The following BRINP1 variants were observed in gnomAD, a reference collection of about 807,000 sequenced individuals.
The protein encoded by BRINP1 is BMP/retinoic acid-inducible neural-specific protein 1.
Under a neutral mutation model 72.9 loss-of-function variants are expected in BRINP1, and 17 were observed. That is an observed-to-expected ratio of 0.23 (90% CI 0.16 to 0.35). The LOEUF (loss-of-function observed/expected upper bound fraction) is 0.35. BRINP1 is among the 10% of genes least tolerant of loss of function. BRINP1 has a pLI of 1.00. For synonymous variants in BRINP1, 418 were observed against 378.5 expected, an observed-to-expected ratio of 1.10 and a Z score of -1.21; for missense variants, 850 against 1,001.6, an observed-to-expected ratio of 0.85 and a Z score of 2.04.
chr9:119,190,588 A>C (rs189397674), intron 7 of BRINP1, among the ~76,000 whole-genome samples: 21 of 152,050 alleles, frequency 1.4e-4, no homozygotes, highest in Non-Finnish European at 1.6e-4. Flanking sequence ...GCAACCTATG[A>C]AGTTTGAATC....
intron 1 of BRINP1, among the ~76,000 whole-genome samples, chr9:119,334,195 G>A (rs944334143): frequency 1.3e-5 from 2 of 152,128 alleles, no homozygotes; most frequent in Admixed American, 6.5e-5. Context: ...TGCCCCAAAT[G>A]CTCATTATAG....
At chr9:119,211,991 GT>G (rs374043618) in intron 6 of BRINP1, among the ~76,000 whole-genome samples, 34 of 148,288 alleles carry the variant, frequency 2.3e-4, no homozygotes, top group East Asian at 1.6e-3. Flanking sequence ...AATTCCCTCT[GT>G]TTTTTTTTTG....
At chr9:119,302,193 C>T (rs1830945550) in intron 2 of BRINP1, among the ~76,000 whole-genome samples, 1 of 152,154 alleles carries the variant, frequency 6.6e-6, no homozygotes, top group African/African-American at 2.4e-5. Flanking sequence ...AACATTAGAA[C>T]ACAATACATT....
intron 2 of BRINP1, among the ~76,000 whole-genome samples, chr9:119,258,877 A>G (rs1489929103): frequency 6.6e-6 from 1 of 152,192 alleles, no homozygotes; most frequent in South Asian, 2.1e-4. Context: ...AGAGCAGTGA[A>G]GGCCACTTGG....
intron 2 of BRINP1, among the ~76,000 whole-genome samples, chr9:119,299,931 T>G (rs1002874577): frequency 3.3e-5 from 5 of 152,232 alleles, no homozygotes; most frequent in African/African-American, 1.2e-4. Flanking sequence ...GAGTTGTTTC[T>G]TAATGATCCT....
At chr9:119,286,880 A>G (rs1025529013) in intron 2 of BRINP1, among the ~76,000 whole-genome samples, 1 of 152,196 alleles carries the variant, frequency 6.6e-6, no homozygotes, top group Non-Finnish European at 1.5e-5. Flanking sequence ...GTTATTCAAT[A>G]AAAAATGATA....
rs56321841 is a variant in BRINP1 at position 119,319,746 on chromosome 9, G to A, written c.-50-6341C>T. ...CCAATTTAACAAATGAGCACCTTAG[G>A]ACTTGGAGACATTGAATAACTTTCT... On this transcript the variant is annotated intron_variant, in intron 1 of 7. Coordinates refer to ENST00000265922, the MANE Select transcript of BRINP1 (RefSeq NM_014618.3). 6.4e-3 allele frequency among the ~76,000 whole-genome samples: 974 copies of A among 152,240 alleles called. 1 individual carries two copies. Among genetic ancestry groups the A allele is most frequent in the Middle Eastern group, 0.01 (3 of 294 alleles).
chr9:119,348,784 TC>T (rs1412066284), intron 1 of BRINP1, among the ~76,000 whole-genome samples: 1 of 152,208 alleles, frequency 6.6e-6, no homozygotes, highest in Non-Finnish European at 1.5e-5. Flanking sequence ...TTTGCCTTAT[TC>T]ATTTCGGTAT....
chr9:119,187,908 G>A (rs1168711446), intron 7 of BRINP1, among the ~76,000 whole-genome samples: 1 of 152,078 alleles, frequency 6.6e-6, no homozygotes, highest in East Asian at 1.9e-4. Context: ...ATAATTCAAT[G>A]AATGAATTAA....
chr9:119,355,707 C>T (rs560923419), intron 1 of BRINP1, among the ~76,000 whole-genome samples: 32 of 144,728 alleles, frequency 2.2e-4, no homozygotes, highest in East Asian at 4.0e-4. Flanking sequence ...CCAGCCTGGG[C>T]GACAGAGCAA....
chr9:119,252,822 A>AC (rs1830406989), intron 2 of BRINP1, among the ~76,000 whole-genome samples: 1 of 152,016 alleles, frequency 6.6e-6, no homozygotes, highest in African/African-American at 2.4e-5. Flanking sequence ...GAATGATGCC[A>AC]CCCCCACCAC....
chr9:119,318,854 T>G (rs1449025577), intron 1 of BRINP1, among the ~76,000 whole-genome samples: 5 of 149,846 alleles, frequency 3.3e-5, no homozygotes, highest in African/African-American at 9.8e-5. Flanking sequence ...GGTGTGTGTG[T>G]GTGTGTGTGT....
chr9:119,276,480 G>A (rs950620460), intron 2 of BRINP1, among the ~76,000 whole-genome samples: 2 of 152,048 alleles, frequency 1.3e-5, no homozygotes, highest in Non-Finnish European at 2.9e-5. Flanking sequence ...TCTCCTTATA[G>A]AACCTTTAAC....
intron 1 of BRINP1, among the ~76,000 whole-genome samples, chr9:119,361,805 T>A (rs1374507714): frequency 3.5e-5 from 5 of 143,590 alleles, no homozygotes; most frequent in African/African-American, 1.3e-4. Flanking sequence ...GCATTTTTTT[T>A]TTTTTTTTTT....
At chr9:119,362,057 C>G (rs1257946326) in intron 1 of BRINP1, among the ~76,000 whole-genome samples, 1 of 149,758 alleles carries the variant, frequency 6.7e-6, no homozygotes, top group Non-Finnish European at 1.5e-5. Context: ...ACCCCCCCAC[C>G]CCCAACCCCT....
intron 2 of BRINP1, among the ~76,000 whole-genome samples, chr9:119,257,330 A>G (rs2118930133): frequency 6.6e-6 from 1 of 152,348 alleles, no homozygotes; most frequent in Non-Finnish European, 1.5e-5. Flanking sequence ...TAATGCATAT[A>G]ATGAAGCACT....
chr9:119,326,764 G>A (rs1423626750), intron 1 of BRINP1, among the ~76,000 whole-genome samples: 1 of 152,188 alleles, frequency 6.6e-6, no homozygotes, highest in African/African-American at 2.4e-5. Flanking sequence ...CAGAATGCGA[G>A]ATGGACATAG....
intron 1 of BRINP1, among the ~76,000 whole-genome samples, chr9:119,337,926 C>T (rs576030272): frequency 2.0e-5 from 3 of 152,226 alleles, no homozygotes; most frequent in Non-Finnish European, 2.9e-5. Context: ...GAGTGTTTCA[C>T]TGGGAACCTA....
intron 7 of BRINP1, among the ~76,000 whole-genome samples, chr9:119,171,078 G>A (rs983172324): frequency 7.2e-4 from 108 of 150,064 alleles, no homozygotes; most frequent in African/African-American, 2.6e-3. Context: ...ATCAACTAAC[G>A]AGCAAAATAA....
Sources: gnomAD v4.1 joint callset for allele counts (sites outside exome capture counted in the v4.1 genomes callset) on GRCh38, gnomAD v4.1.1 for gene constraint, MANE v1.5 for transcripts, NCBI Gene and HGNC (gene_info 2026-07-23, HGNC 2026-07-21) for gene names.